The following PLPBP variants were observed in gnomAD, a reference collection of about 807,000 sequenced individuals.
PLPBP encodes the protein pyridoxal phosphate binding protein.
Under a neutral mutation model 31.2 loss-of-function variants are expected in PLPBP, and 21 were observed. That is an observed-to-expected ratio of 0.67 (90% CI 0.48 to 0.97). The LOEUF is 0.97. PLPBP is among the 50% of genes least tolerant of loss of function. PLPBP has a pLI of 0.00. For missense variants in PLPBP, 308 were observed against 354.4 expected (o/e 0.87, Z 1.05); for synonymous variants, 124 against 135.6 (o/e 0.91, Z 0.59).
At chr8:37,775,541 T>TAAGAA (rs1280055481) in intron 6 of PLPBP, 60 bp downstream of exon 6, 1 of 1,606,022 alleles carries the variant, frequency 6.2e-7, no homozygotes, top group Non-Finnish European at 8.5e-7. Flanking sequence ...GGAGTGCTAT[T>TAAGAA]GCAGGGCTGG....
chr8:37,772,714 G>A, intron 4 of PLPBP, 41 bp from the exon 5 acceptor site: 4 of 1,607,458 alleles, frequency 2.5e-6, no homozygotes, highest in Non-Finnish European at 3.4e-6. Context: ...TGCTGCAATA[G>A]AGCAAATAAG....
At position 37,762,703 on chromosome 8, in the gene PLPBP, G is replaced by T. The variant is rs151283151; in HGVS notation, c.44G>T (p.Cys15Phe). ...ATGTCGGCCGAGCTGGGAGTCGGGTGCGCATTGCGGGCGGTGAACGAGCGC... is the reference window on the plus strand; with the variant it reads ...ATGTCGGCCGAGCTGGGAGTCGGGTTCGCATTGCGGGCGGTGAACGAGCGC... ...GSMSAELGVG[C>F]ALRAVNERVQ... Residue 15 changes from cysteine to phenylalanine, a missense_variant, in exon 1 of 8, where the codon TGC becomes TTC. By Grantham distance (205) the Cys-to-Phe change is radical. Transcript: ENST00000328195. 9.4e-6 allele frequency: 15 copies of T among 1,591,188 alleles called. No homozygotes were observed. The highest frequency in any genetic ancestry group is 5.4e-5 in the African/African-American group (4 of 74,756).
At position 37,772,908 on chromosome 8, in the gene PLPBP, A is replaced by T. The variant is rs1262835314; in HGVS notation, c.454+19A>T. ...GAAGAGAGTAAGTAACCAGACCTGAATTGTAGATTTTTCTTCCTTTAGGAT... is the reference window on the plus strand; with the variant it reads ...GAAGAGAGTAAGTAACCAGACCTGATTTGTAGATTTTTCTTCCTTTAGGAT... On this transcript the variant is annotated intron_variant, in intron 5 of 7. Coordinates refer to ENST00000328195, the MANE Select transcript of PLPBP (RefSeq NM_007198.4). The T allele has an allele frequency of 6.2e-7, 1 of 1,613,764 alleles. No homozygotes were observed. Among genetic ancestry groups the T allele is most frequent in the Non-Finnish European group, 8.5e-7 (1 of 1,179,732 alleles).
chr8:37,776,429 T>G (rs186806248), intron 7 of PLPBP, among the ~76,000 whole-genome samples: 6,459 of 131,314 alleles, frequency 0.049, 507 homozygotes, highest in African/African-American at 0.18. Flanking sequence ...TGAGCCGAGG[T>G]CGCGCCACTG....
chr8:37,772,680 G>A lies in PLPBP; in HGVS notation c.320-75G>A. On this transcript the variant is annotated intron_variant, in intron 4 of 7. Transcript: ENST00000328195. ...CCTGGCATATTTTTTCCTCTAACAA[G>A]TCAGAGATTTGTTGCATGTTACTTG... 8 of 1,549,250 alleles carry A rather than the reference G, an allele frequency of 5.2e-6. No individual in the cohort carries two copies. The South Asian group carries it at 8.0e-5, about 15-fold the overall frequency.
chr8:37,766,214 G>T, intron 3 of PLPBP, 66 bp from the exon 4 acceptor site: 1 of 1,203,914 alleles, frequency 8.3e-7, no homozygotes. Flanking sequence ...GGGAGTGCAC[G>T]AGGCGTTTGA....
intron 7 of PLPBP, among the ~76,000 whole-genome samples, chr8:37,777,352 G>A (rs1412976586): frequency 1.3e-5 from 2 of 152,184 alleles, no homozygotes; most frequent in Admixed American, 6.5e-5. Flanking sequence ...ACATTGGAGA[G>A]GTAGGTGGGC....
chr8:37,772,637 T>C, intron 4 of PLPBP, 118 bp from the exon 5 acceptor site: 1 of 1,239,406 alleles, frequency 8.1e-7, no homozygotes, highest in Middle Eastern at 1.9e-4. Flanking sequence ...AACTGAGATT[T>C]AACTGTGTTT....
chr8:37,772,960 G>A (rs1159486391), intron 5 of PLPBP, 71 bp downstream of exon 5: 2 of 1,572,340 alleles, frequency 1.3e-6, no homozygotes, highest in Non-Finnish European at 8.7e-7. Context: ...GAATGGGTGG[G>A]CCCAAGTGTC....
At chr8:37,768,877 T>G (rs1282136149) in intron 4 of PLPBP, among the ~76,000 whole-genome samples, 1 of 152,236 alleles carries the variant, frequency 6.6e-6, no homozygotes, top group Non-Finnish European at 1.5e-5. Flanking sequence ...CCTCTGCATG[T>G]TTTTTAAATT....
chr8:37,763,313 G>A (rs1454451819), intron 1 of PLPBP, among the ~76,000 whole-genome samples: 1 of 152,170 alleles, frequency 6.6e-6, no homozygotes, highest in Non-Finnish European at 1.5e-5. Context: ...GGGAGCTTTC[G>A]TCTTTTGTGT....
At chr8:37,768,839 GTCT>G (rs1803703747) in intron 4 of PLPBP, among the ~76,000 whole-genome samples, 1 of 151,922 alleles carries the variant, frequency 6.6e-6, no homozygotes, top group Admixed American at 6.6e-5. Flanking sequence ...CCATTTTTAT[GTCT>G]TCTTTGGAAA....
chr8:37,771,429 A>G (rs1803764983), intron 4 of PLPBP, among the ~76,000 whole-genome samples: 1 of 151,340 alleles, frequency 6.6e-6, no homozygotes, highest in South Asian at 2.1e-4. Flanking sequence ...CGTGAGCCAC[A>G]ATGCCTAGCC....
At chr8:37,775,267 G>T in intron 5 of PLPBP, 72 bp from the exon 6 acceptor site, 1 of 1,559,792 alleles carries the variant, frequency 6.4e-7, no homozygotes, top group Middle Eastern at 1.7e-4. Context: ...TCGTAAGGAA[G>T]GGAGGAAAAT....
Position 37,766,427 on chromosome 8 carries a change from G to A in PLPBP, c.319+72G>A, listed in dbSNP as rs1311810988. The A allele has an allele frequency of 2.0e-6, 3 of 1,479,148 alleles. No individual in the cohort carries two copies. In the African/African-American group the frequency reaches 4.3e-5, roughly 21 times the overall value. 91.6% of individuals were successfully genotyped at this position (1,479,148 alleles called of 1,614,324 possible). A position where few individuals can be genotyped will look rare whatever the true frequency, so the allele number is the denominator to read the frequency against. Reference sequence around the variant, plus strand: ...TGCTTCTACTACCCTTTGTGGAAGAGAGAGCAACTTTTAGAATAGCCCCAA... The same window carrying A: ...TGCTTCTACTACCCTTTGTGGAAGAAAGAGCAACTTTTAGAATAGCCCCAA... On this transcript the variant is annotated intron_variant, in intron 4 of 7. Coordinates refer to ENST00000328195, the MANE Select transcript of PLPBP (RefSeq NM_007198.4).
At chr8:37,768,947 A>T (rs958930369) in intron 4 of PLPBP, among the ~76,000 whole-genome samples, 2 of 152,206 alleles carry the variant, frequency 1.3e-5, no homozygotes, top group African/African-American at 4.8e-5. Flanking sequence ...CTAACTTGAA[A>T]ATAAAAGCTA....
intron 1 of PLPBP, among the ~76,000 whole-genome samples, chr8:37,763,071 G>A (rs1408323111): frequency 2.6e-5 from 4 of 152,164 alleles, no homozygotes; most frequent in African/African-American, 9.7e-5. Flanking sequence ...ATGCGAGGGG[G>A]GCCAGGCCTG....
At chr8:37,771,743 C>T (rs1300265370) in intron 4 of PLPBP, among the ~76,000 whole-genome samples, 1 of 152,088 alleles carries the variant, frequency 6.6e-6, no homozygotes, top group East Asian at 1.9e-4. Context: ...CAGCAGATCA[C>T]GAGGTAAGGA....
intron 6 of PLPBP, 148 bp downstream of exon 6, chr8:37,775,629 G>A (rs1218103052): frequency 1.4e-5 from 18 of 1,263,026 alleles, no homozygotes; most frequent in Non-Finnish European, 2.0e-5. Context: ...TTCTCAGAAG[G>A]AAAAGGGAAG....
Sources: allele counts gnomAD v4.1 joint callset (sites outside exome capture counted in the v4.1 genomes callset), GRCh38; gene constraint gnomAD v4.1.1; transcripts MANE v1.5; gene names NCBI Gene and HGNC (gene_info 2026-07-23, HGNC 2026-07-21).